Variants in INSL4 observed in about 807,000 individuals in gnomAD.
INSL4 encodes the protein insulin like 4.
A neutral mutation model predicts 6.5 loss-of-function variants in INSL4; 7 were observed. That is an observed-to-expected ratio of 1.08 (90% CI 0.61 to 2.02). The LOEUF (loss-of-function observed/expected upper bound fraction) is 2.02. INSL4 is among the 30% of genes most tolerant of loss of function. The pLI, the probability that INSL4 is intolerant of heterozygous loss-of-function variation, is 0.00. For synonymous variants in INSL4, 82 were observed against 65.8 expected, an observed-to-expected ratio of 1.25 and a Z score of -1.19; for missense variants, 226 against 163.2, an observed-to-expected ratio of 1.38 and a Z score of -2.09.
Position 5,233,870 on chromosome 9 carries a change from G to C in INSL4, c.413G>C (p.Cys138Ser). Residue 138 changes from cysteine (C) to serine (S), a missense_variant, in exon 2 of 2, where the codon TGT becomes TCT. Cys to Ser is a moderately radical substitution (Grantham distance 112). Transcript: ENST00000239316. ...GACGATGGAACTTCAGTTAAATTAT[G>C]TACATAGTAGAGTAATCATGGACTG... ...ICDDGTSVKL[C>S]T 3 of 1,603,456 alleles carry C rather than the reference G, an allele frequency of 1.9e-6. No individual in the cohort carries two copies.
chr9:5,231,788 G>T, intron 1 of INSL4, 69 bp downstream of exon 1: 1 of 1,350,022 alleles, frequency 7.4e-7, no homozygotes, highest in Non-Finnish European at 1.0e-6. Flanking sequence ...CTCATTGACT[G>T]CCTGTAGTCA....
rs554803094 is a variant in INSL4 at position 5,235,258 on chromosome 9, A to T, written c.*1381A>T. The stretch of plus-strand genomic sequence containing the variant: ...AGAGGATCTCAAACGATTCCACACA[A>T]TGCAGCTATGGGGTTTAGGCTGCAT... On this transcript the variant is annotated 3_prime_UTR_variant, in exon 2 of 2. Transcript: ENST00000239316. The T allele has an allele frequency of 6.5e-6, 1 of 152,746 alleles. No individual in the cohort carries two copies. The highest frequency in any genetic ancestry group is 2.1e-4 in the South Asian group (1 of 4,826). 9.5% of individuals were successfully genotyped at this position (152,746 alleles called of 1,614,324 possible).
chr9:5,233,015 T>C (rs1050376088), intron 1 of INSL4, among the ~76,000 whole-genome samples: 1 of 152,200 alleles, frequency 6.6e-6, no homozygotes, highest in African/African-American at 2.4e-5. Context: ...AAACAATTTC[T>C]AATGCAAACT....
chr9:5,232,127 C>A (rs1310214810), intron 1 of INSL4, among the ~76,000 whole-genome samples: 5 of 152,064 alleles, frequency 3.3e-5, no homozygotes, highest in Admixed American at 3.3e-4. Flanking sequence ...GGCCAGGCAT[C>A]TTCAATTAAG....
At chr9:5,232,028 C>G (rs115750677) in intron 1 of INSL4, among the ~76,000 whole-genome samples, 68 of 152,198 alleles carry the variant, frequency 4.5e-4, no homozygotes, top group African/African-American at 1.4e-3. Context: ...TGACTATTCT[C>G]AAACACCAGC....
At chr9:5,232,721 G>C (rs1045839516) in intron 1 of INSL4, among the ~76,000 whole-genome samples, 4 of 152,170 alleles carry the variant, frequency 2.6e-5, no homozygotes, top group African/African-American at 9.7e-5. Flanking sequence ...GTCGTATTAA[G>C]TTCTGAAAAG....
In INSL4 at chr9:5,233,874, A is replaced by C; in HGVS notation, c.417A>C (p.Thr139=). The C allele has an allele frequency of 6.3e-7, 1 of 1,597,120 alleles. No homozygotes were observed. The highest frequency in any genetic ancestry group is 8.6e-7 in the Non-Finnish European group (1 of 1,164,904). Residue 139 remains threonine, a synonymous_variant, in exon 2 of 2, where the codon ACA becomes ACC. Transcript: ENST00000239316. ...CDDGTSVKLC[T] ...ATGGAACTTCAGTTAAATTATGTAC[A>C]TAGTAGAGTAATCATGGACTGGACA...
At position 5,234,640 on chromosome 9, in the gene INSL4, AATTGGCACAAAT is replaced by A. The variant is rs1280847504; in HGVS notation, c.*765_*776del. ...TCCACATCCCCTCATCAAAGTGGTGAATTGGCACAAATACTGGCATTCCTCTGGCTACACATA... is the reference window on the plus strand; with the variant it reads ...TCCACATCCCCTCATCAAAGTGGTGAACTGGCATTCCTCTGGCTACACATA... On this transcript the variant is annotated 3_prime_UTR_variant, in exon 2 of 2. Coordinates refer to ENST00000239316, the MANE Select transcript of INSL4 (RefSeq NM_002195.2). 6.6e-6 allele frequency: 1 copy of A among 152,430 alleles called. No homozygotes were observed. The highest frequency in any genetic ancestry group is 1.5e-5 in the Non-Finnish European group (1 of 68,076). The allele number at this position is 152,430 out of a possible 1,614,324, so 9.4% of individuals were successfully genotyped here. A position where few individuals can be genotyped will look rare whatever the true frequency, so the allele number is the denominator to read the frequency against.
Position 5,231,643 on chromosome 9 carries a change from G to T in INSL4, c.120G>T (p.Leu40=). The T allele has an allele frequency of 6.2e-7, 1 of 1,613,908 alleles. No individual in the cohort carries two copies. The highest frequency in any genetic ancestry group is 8.5e-7 in the Non-Finnish European group (1 of 1,179,880). ...GCGPRFGKHL[L]SYCPMPEKTF... ...GTCCCCGATTTGGAAAACACTTGCT[G>T]TCATATTGCCCCATGCCTGAGAAGA... Residue 40 remains leucine (L), a synonymous_variant, in exon 1 of 2, where the codon CTG becomes CTT. Transcript: ENST00000239316.
chr9:5,233,807 G>A lies in INSL4; in HGVS notation c.350G>A (p.Arg117His), dbSNP rs370426005. Residue 117 changes from arginine (R) to histidine (H), a missense_variant, in exon 2 of 2, where the codon CGT (arginine) becomes CAT (histidine). Arg to His is a conservative substitution (Grantham distance 29). Coordinates refer to ENST00000239316, the MANE Select transcript of INSL4 (RefSeq NM_002195.2). ...CTTTCCCGCAAAAAGAGAAGTGGAC[G>A]TCACAGATTTGATCCATTCTGTTGT... ...IILSRKKRSG[R>H]HRFDPFCCEV... The A allele has an allele frequency of 3.1e-5, 50 of 1,613,558 alleles. No individual in the cohort carries two copies. The East Asian group carries it at 6.9e-4, about 22-fold the overall frequency.
chr9:5,232,847 A>G (rs73639272), intron 1 of INSL4, among the ~76,000 whole-genome samples: 1 of 152,328 alleles, frequency 6.6e-6, no homozygotes, highest in African/African-American at 2.4e-5. Context: ...ACTTCATTAA[A>G]TCATTAAATG....
In INSL4 at chr9:5,231,538, C is replaced by A; in HGVS notation, c.15C>A (p.Phe5Leu). 6.2e-7 allele frequency: 1 copy of A among 1,613,040 alleles called. No homozygotes were observed. The highest frequency in any genetic ancestry group is 1.1e-5 in the South Asian group (1 of 90,986). Residue 5 changes from phenylalanine (F) to leucine (L), a missense_variant, in exon 1 of 2, where the codon TTC becomes TTA. Coordinates refer to ENST00000239316, the MANE Select transcript of INSL4 (RefSeq NM_002195.2). MASL[F>L]RSYLPAIWLL... ...TCAGGTCCAGGATGGCCAGCCTGTT[C>A]CGGTCCTATCTGCCAGCAATCTGGC...
At position 5,233,745 on chromosome 9, in the gene INSL4, A is replaced by G. The variant is rs1447677503; in HGVS notation, c.288A>G (p.Pro96=). The change falls in exon 2 of 2, where the codon CCA becomes CCG. Residue 96 remains proline (P), a synonymous_variant. Coordinates refer to ENST00000239316, the MANE Select transcript of INSL4 (RefSeq NM_002195.2). ...ATTTGTCACCAGAGCTGAAGAAACC[A>G]CTGTCTGAAGGGCAGCCATCATTGA... ...IPNLSPELKK[P]LSEGQPSLKK... The G allele has an allele frequency of 1.9e-6, 3 of 1,613,754 alleles. No individual in the cohort carries two copies. Among genetic ancestry groups the G allele is most frequent in the Non-Finnish European group, 2.5e-6 (3 of 1,179,722 alleles).
intron 1 of INSL4, among the ~76,000 whole-genome samples, chr9:5,231,980 G>A (rs1208030615): frequency 6.6e-6 from 1 of 152,164 alleles, no homozygotes; most frequent in African/African-American, 2.4e-5. Flanking sequence ...GGCAGCCAGA[G>A]ATACAGGGTG....
Position 5,233,931 on chromosome 9 carries a change from C to A in INSL4, c.*54C>A. ...CCATTCTCATATGTATTCTCAATGA[C>A]AAATTCACTGATGCCCAATTAAATG... On this transcript the variant is annotated 3_prime_UTR_variant, in exon 2 of 2. Coordinates refer to ENST00000239316, the MANE Select transcript of INSL4 (RefSeq NM_002195.2). The A allele has an allele frequency of 8.7e-7, 1 of 1,151,108 alleles. No homozygotes were observed. The highest frequency in any genetic ancestry group is 1.3e-6 in the Non-Finnish European group (1 of 768,818). 71.3% of individuals were successfully genotyped at this position (1,151,108 alleles called of 1,614,324 possible).
intron 1 of INSL4, among the ~76,000 whole-genome samples, chr9:5,232,144 G>C (rs900467508): frequency 2.0e-5 from 3 of 152,106 alleles, no homozygotes; most frequent in African/African-American, 7.2e-5. Context: ...TAAGAAGAAA[G>C]GGGACAAACA....
At position 5,234,103 on chromosome 9, in the gene INSL4, C is replaced by A. The variant is rs940730340; in HGVS notation, c.*226C>A. 1.7e-5 allele frequency: 8 copies of A among 477,302 alleles called. No individual in the cohort carries two copies. Among genetic ancestry groups the A allele is most frequent in the African/African-American group, 1.6e-4 (8 of 51,228 alleles). The allele number at this position is 477,302 out of a possible 1,614,324, so 29.6% of individuals were successfully genotyped here. The stretch of plus-strand genomic sequence containing the variant: ...AGTACAATGGGGAAATTATACTTAA[C>A]AATAATTCACTGTATATTCCAAAAT... On this transcript the variant is annotated 3_prime_UTR_variant, in exon 2 of 2. Coordinates refer to ENST00000239316, the MANE Select transcript of INSL4 (RefSeq NM_002195.2).
In INSL4 at chr9:5,235,134, C is replaced by T. The variant is rs528930118; in HGVS notation, c.*1257C>T. 6.5e-6 allele frequency: 1 copy of T among 153,088 alleles called. No individual in the cohort carries two copies. The allele number at this position is 153,088 out of a possible 1,614,324, so 9.5% of individuals were successfully genotyped here. On this transcript the variant is annotated 3_prime_UTR_variant, in exon 2 of 2. Coordinates refer to ENST00000239316, the MANE Select transcript of INSL4 (RefSeq NM_002195.2). ...GAAGCCCAGGAAAATGCACAAAGGC[C>T]TGGAAGCATAGCATGTGTGGAAACA... is the stretch of plus-strand genomic sequence containing the variant.
rs565420637 is a variant in INSL4 at position 5,234,555 on chromosome 9, A to C, written c.*678A>C. 5 of 152,938 alleles carry C rather than the reference A, an allele frequency of 3.3e-5. No homozygotes were observed. The highest frequency in any genetic ancestry group is 1.2e-4 in the African/African-American group (5 of 41,576). The allele number at this position is 152,938 out of a possible 1,614,324, so 9.5% of individuals were successfully genotyped here. A position where few individuals can be genotyped will look rare whatever the true frequency, so the allele number is the denominator to read the frequency against. On this transcript the variant is annotated 3_prime_UTR_variant, in exon 2 of 2. Coordinates refer to ENST00000239316, the MANE Select transcript of INSL4 (RefSeq NM_002195.2). ...AATGCATATCCTCCACCTGCCTCTC[A>C]GCACGCTGCCTTTAGACCTTCAATC...
Sources: allele counts gnomAD v4.1 joint callset (sites outside exome capture counted in the v4.1 genomes callset), GRCh38; gene constraint gnomAD v4.1.1; transcripts MANE v1.5; gene names NCBI Gene and HGNC (gene_info 2026-07-23, HGNC 2026-07-21).